Variants in PATJ observed in about 807,000 individuals in gnomAD.
The protein encoded by PATJ is inaD-like protein.
PATJ carries 190 observed loss-of-function variants against 224.9 expected under a neutral mutation model. That is an observed-to-expected ratio of 0.84 (90% confidence interval 0.75 to 0.95). PATJ has a LOEUF of 0.95. Ranked by LOEUF, PATJ falls within the 40% of genes least tolerant of loss-of-function variation. The probability of loss-of-function intolerance (pLI) is 0.00; values close to 1 mark genes in which losing one functional copy is unlikely to be tolerated. For synonymous variants in PATJ, 769 were observed against 820.3 expected, an observed-to-expected ratio of 0.94 and a Z score of 1.07; for missense variants, 2,121 against 2,270.3, an observed-to-expected ratio of 0.93 and a Z score of 1.34.
chr1:62,068,023 G>C (rs2148671745), intron 31 of PATJ, among the ~76,000 whole-genome samples: 1 of 152,164 alleles, frequency 6.6e-6, no homozygotes, highest in South Asian at 2.1e-4. Flanking sequence ...CCAGTCTCCT[G>C]AACTCAAGTG....
At chr1:61,939,676 CTTTT>C (rs71050183) in intron 27 of PATJ, among the ~76,000 whole-genome samples, 10 of 58,872 alleles carry the variant, frequency 1.7e-4, no homozygotes, top group African/African-American at 9.4e-4. Context: ...TTTCTATGTG[CTTTT>C]TTTTTTTTTT....
chr1:62,038,845 G>A, intron 30 of PATJ: 1 of 718,578 alleles, frequency 1.4e-6, no homozygotes, highest in South Asian at 1.4e-5. Context: ...GGGTGGGATG[G>A]AGGCGACCTT....
intron 1 of PATJ, among the ~76,000 whole-genome samples, chr1:61,746,501 T>C (rs891794264): frequency 1.3e-5 from 2 of 152,226 alleles, no homozygotes; most frequent in South Asian, 4.1e-4. Flanking sequence ...TTCTGGGGAC[T>C]GCTTCTGAGA....
At chr1:62,113,457 C>A (rs1664093537) in intron 34 of PATJ, among the ~76,000 whole-genome samples, 1 of 152,114 alleles carries the variant, frequency 6.6e-6, no homozygotes, top group Non-Finnish European at 1.5e-5. Flanking sequence ...GGCAATATGG[C>A]AAGACCTCAT....
At chr1:62,008,586 G>A (rs189074390) in intron 28 of PATJ, among the ~76,000 whole-genome samples, 85 of 143,484 alleles carry the variant, frequency 5.9e-4, no homozygotes, top group African/African-American at 2.1e-3. Flanking sequence ...GCAAGACCCC[G>A]TCTTTATAAA....
In PATJ at chr1:61,756,736, G is replaced by A. The variant is rs764874410; in HGVS notation, c.-35-6122G>A. Reference sequence around the variant, plus strand: ...TGGGACAACAGGCGTGCGCCACCACGCCCGGATAATTTTTTATATTTTTAG... The same window carrying A: ...TGGGACAACAGGCGTGCGCCACCACACCCGGATAATTTTTTATATTTTTAG... On this transcript the variant is annotated intron_variant, in intron 1 of 43. Coordinates refer to ENST00000642238, the MANE Select transcript of PATJ (RefSeq NM_001350145.3). Among the ~76,000 whole-genome samples, 234 of 151,544 alleles carry A rather than the reference G, an allele frequency of 1.5e-3. 3 individuals are homozygous for A. Among genetic ancestry groups the A allele is most frequent in the Middle Eastern group, 3.4e-3 (1 of 294 alleles).
chr1:62,135,043 C>G (rs1666681884), intron 41 of PATJ, among the ~76,000 whole-genome samples: 1 of 152,088 alleles, frequency 6.6e-6, no homozygotes, highest in Admixed American at 6.6e-5. Flanking sequence ...AGGTCTTTAC[C>G]TTAGTTGCAT....
chr1:61,751,450 G>A (rs1440965613), intron 1 of PATJ, among the ~76,000 whole-genome samples: 1 of 152,140 alleles, frequency 6.6e-6, no homozygotes, highest in Non-Finnish European at 1.5e-5. Context: ...TACATGATCA[G>A]AGACCTCTAA....
chr1:61,845,830 A>T (rs1214757857), intron 17 of PATJ, among the ~76,000 whole-genome samples: 1 of 152,216 alleles, frequency 6.6e-6, no homozygotes, highest in Admixed American at 6.5e-5. Flanking sequence ...GTGTCTGCTC[A>T]GGGAGAATGA....
At chr1:62,085,192 G>T (rs888076265) in intron 33 of PATJ, among the ~76,000 whole-genome samples, 1 of 152,066 alleles carries the variant, frequency 6.6e-6, no homozygotes, top group South Asian at 2.1e-4. Flanking sequence ...AACCCAGGAG[G>T]TAGAGGCTGC....
intron 11 of PATJ, among the ~76,000 whole-genome samples, chr1:61,799,794 C>T (rs1570573422): frequency 6.6e-6 from 1 of 152,140 alleles, no homozygotes; most frequent in South Asian, 2.1e-4. Flanking sequence ...TTAGTGAGAA[C>T]ATGGAGTGTT....
In PATJ at chr1:62,086,538, C is replaced by G. The variant is rs1231460479; in HGVS notation, c.4377+1890C>G. Among the ~76,000 whole-genome samples the G allele has an allele frequency of 6.6e-6, 1 of 151,940 alleles. No homozygotes were observed. The highest frequency in any genetic ancestry group is 1.5e-5 in the Non-Finnish European group (1 of 68,012). On this transcript the variant is annotated intron_variant, in intron 33 of 43. Coordinates refer to ENST00000642238, the MANE Select transcript of PATJ (RefSeq NM_001350145.3). This position sits in a 1 kb window ranked among gnomAD's most constrained non-coding sequence, Gnocchi z 4.0. ...TTAGTAAGCAATAAATTGTACATGCCAGATAAAACAAACATATCAGGGTCT... is the reference window on the plus strand; with the variant it reads ...TTAGTAAGCAATAAATTGTACATGCGAGATAAAACAAACATATCAGGGTCT...
At chr1:62,014,546 C>T (rs889478573) in intron 28 of PATJ, among the ~76,000 whole-genome samples, 1 of 143,680 alleles carries the variant, frequency 7.0e-6, no homozygotes, top group African/African-American at 2.6e-5. Flanking sequence ...CTTTTAAAGA[C>T]GATTTCTTTT....
intron 17 of PATJ, among the ~76,000 whole-genome samples, chr1:61,844,936 G>A (rs980382062): frequency 1.3e-5 from 2 of 152,078 alleles, no homozygotes; most frequent in African/African-American, 2.4e-5. Flanking sequence ...CCAGCCATGC[G>A]AAACTGTGAG....
chr1:62,116,767 G>A lies in PATJ; in HGVS notation c.4803+88G>A, dbSNP rs193294041. On this transcript the variant is annotated intron_variant, in intron 36 of 43. Coordinates refer to ENST00000642238, the MANE Select transcript of PATJ (RefSeq NM_001350145.3). ...GTCTAGCTTGATTATAAAATGGGTT[G>A]GATTTTATACTAACTCTAGTTTTTA... is the stretch of plus-strand genomic sequence containing the variant. 9.8e-5 allele frequency: 123 copies of A among 1,251,118 alleles called. No individual in the cohort carries two copies. The East Asian group carries it at 2.7e-3, about 28-fold the overall frequency. 77.5% of individuals were successfully genotyped at this position (1,251,118 alleles called of 1,614,324 possible). A position where few individuals can be genotyped will look rare whatever the true frequency, so the allele number is the denominator to read the frequency against.
At chr1:61,957,972 A>T (rs1203255732) in intron 27 of PATJ, among the ~76,000 whole-genome samples, 1 of 152,140 alleles carries the variant, frequency 6.6e-6, no homozygotes, top group Non-Finnish European at 1.5e-5. Flanking sequence ...CTACCTAATA[A>T]GGTTTTCCTG....
At chr1:61,972,268 A>T (rs951196575) in intron 27 of PATJ, among the ~76,000 whole-genome samples, 5 of 152,044 alleles carry the variant, frequency 3.3e-5, no homozygotes, top group Non-Finnish European at 5.9e-5. Context: ...CCGTCACGTG[A>T]GGTCAGGTGT....
Position 61,927,261 on chromosome 1 carries a change from C to T in PATJ, c.3571-469C>T, listed in dbSNP as rs79560345. Among the ~76,000 whole-genome samples the T allele has an allele frequency of 4.7e-4, 71 of 152,126 alleles. 1 individual carries two copies. In the East Asian group the frequency reaches 0.013, roughly 28 times the overall value. On this transcript the variant is annotated intron_variant, in intron 26 of 43. Transcript: ENST00000642238. ...TCAGTTAGAAAATCTTGGTATGTCA[C>T]GTGTCTTTTAAAGAATAAAATCTGT...
At chr1:61,789,026 G>T (rs1649204375) in intron 8 of PATJ, among the ~76,000 whole-genome samples, 2 of 152,102 alleles carry the variant, frequency 1.3e-5, no homozygotes, top group Admixed American at 6.5e-5. Context: ...AAAGAGAAAT[G>T]GGCCAGATGC....
Sources: allele counts gnomAD v4.1 joint callset (sites outside exome capture counted in the v4.1 genomes callset), GRCh38; gene constraint gnomAD v4.1.1; non-coding constraint Gnocchi (gnomAD v3.1); transcripts MANE v1.5; gene names NCBI Gene and HGNC (gene_info 2026-07-23, HGNC 2026-07-21).